AHCY: variants seen among roughly 807,000 people sequenced by gnomAD.
The protein encoded by AHCY is S-adenosyl-L-homocysteine hydrolase.
In AHCY, 24 loss-of-function variants were observed where a neutral mutation model predicts 45.4. The observed-to-expected ratio is 0.53, with a 90% CI of 0.38 to 0.74. AHCY has a LOEUF of 0.74. Among genes scored for constraint, AHCY ranks in the 30% least tolerant of loss-of-function variants. AHCY has a pLI of 0.00. For synonymous variants in AHCY, 245 were observed against 235.1 expected, an observed-to-expected ratio of 1.04 and a Z score of -0.39; for missense variants, 449 against 594.1, an observed-to-expected ratio of 0.76 and a Z score of 2.54.
the AHCY span, among the ~76,000 whole-genome samples, chr20:34,258,730 T>C: frequency 1.4e-5 from 1 of 73,572 alleles, no homozygotes; most frequent in Admixed American, 2.1e-4. Flanking sequence ...ATAAAATATA[T>C]ATAGTATATA....
chr20:34,243,378 C>G, the AHCY span, among the ~76,000 whole-genome samples: 3 of 152,212 alleles, frequency 2.0e-5, no homozygotes, highest in Non-Finnish European at 4.4e-5. Flanking sequence ...CTAGCCAATT[C>G]AGTCACAATA....
the AHCY span, among the ~76,000 whole-genome samples, chr20:34,239,437 G>A: frequency 2.0e-5 from 3 of 152,064 alleles, no homozygotes; most frequent in Admixed American, 6.6e-5. Context: ...GGCTCTTCTC[G>A]AACTCCTGAC....
chr20:34,268,413 T>C, the AHCY span, among the ~76,000 whole-genome samples: 3 of 152,094 alleles, frequency 2.0e-5, no homozygotes, highest in African/African-American at 7.2e-5. Flanking sequence ...TGTTTCATTT[T>C]AAGTTCAAAG....
chr20:34,237,102 A>G, the AHCY span, among the ~76,000 whole-genome samples: 1 of 152,026 alleles, frequency 6.6e-6, no homozygotes, highest in African/African-American at 2.4e-5. Flanking sequence ...ATTTGTCTTT[A>G]TGCAAGTACC....
chr20:34,266,409 A>G, the AHCY span, among the ~76,000 whole-genome samples: 1 of 152,086 alleles, frequency 6.6e-6, no homozygotes, highest in Non-Finnish European at 1.5e-5. Context: ...ACGGTGGCTC[A>G]TAACTGTAAT....
rs191104883 is a variant in AHCY at position 34,292,653 on chromosome 20, A to T, written c.296-146T>A. The T allele has an allele frequency of 2.8e-5, 33 of 1,194,676 alleles. No homozygotes were observed. In the African/African-American group the frequency reaches 4.1e-4, roughly 15 times the overall value. The allele number at this position is 1,194,676 out of a possible 1,614,324, so 74.0% of individuals were successfully genotyped here. On this transcript the variant is annotated intron_variant, in intron 3 of 9. Transcript: ENST00000217426. The stretch of plus-strand genomic sequence containing the variant: ...CTCTGAAAACTCAGCAGTGGTCAGG[A>T]CACAACTTGGAGCCAGATAGATCTG...
At chr20:34,252,763 T>G in the AHCY span, among the ~76,000 whole-genome samples, 2 of 151,966 alleles carry the variant, frequency 1.3e-5, no homozygotes, top group Non-Finnish European at 2.9e-5. Context: ...GCTGTCTCAG[T>G]GGGGGGAAAC....
intron 1 of AHCY, among the ~76,000 whole-genome samples, chr20:34,311,094 T>G (rs1182687932): frequency 6.6e-6 from 1 of 152,154 alleles, no homozygotes; most frequent in Non-Finnish European, 1.5e-5. Context: ...CACTCTAGCC[T>G]GGGCAACAGA....
chr20:34,269,366 G>A, the AHCY span: 2 of 678,782 alleles, frequency 2.9e-6, no homozygotes, highest in South Asian at 5.4e-5. Flanking sequence ...GGCTGTTTCT[G>A]TAAAGGTCCC....
At chr20:34,253,077 A>T in the AHCY span, among the ~76,000 whole-genome samples, 1 of 152,080 alleles carries the variant, frequency 6.6e-6, no homozygotes, top group East Asian at 1.9e-4. Flanking sequence ...TTTTCTACAT[A>T]GACACAGTAA....
intron 9 of AHCY, among the ~76,000 whole-genome samples, chr20:34,284,482 C>A (rs188995251): frequency 6.6e-6 from 1 of 152,234 alleles, no homozygotes; most frequent in East Asian, 1.9e-4. Context: ...CATCTTATTA[C>A]AAGGCCACAA....
At chr20:34,273,521 G>C in the AHCY span, among the ~76,000 whole-genome samples, 1 of 152,176 alleles carries the variant, frequency 6.6e-6, no homozygotes, top group South Asian at 2.1e-4. Context: ...GTGAGCCGCT[G>C]CAGCCAGCCC....
chr20:34,238,884 T>G, the AHCY span, among the ~76,000 whole-genome samples: 1 of 152,186 alleles, frequency 6.6e-6, no homozygotes, highest in Non-Finnish European at 1.5e-5. Flanking sequence ...CAAGGACACT[T>G]TGCCATCCAA....
chr20:34,236,615 C>G, the AHCY span, among the ~76,000 whole-genome samples: 1 of 152,034 alleles, frequency 6.6e-6, no homozygotes, highest in Non-Finnish European at 1.5e-5. Flanking sequence ...CTTTGGGAGT[C>G]TGGGGTGGGA....
intron 1 of AHCY, among the ~76,000 whole-genome samples, chr20:34,296,435 G>T (rs1011147485): frequency 6.6e-6 from 1 of 152,146 alleles, no homozygotes; most frequent in Non-Finnish European, 1.5e-5. Context: ...AATATTTCAG[G>T]TGTTGCCACC....
At chr20:34,238,235 G>GT in the AHCY span, among the ~76,000 whole-genome samples, 1 of 151,966 alleles carries the variant, frequency 6.6e-6, no homozygotes, top group African/African-American at 2.4e-5. Context: ...AATATTCTGG[G>GT]TTTTTTTCTC....
intron 1 of AHCY, among the ~76,000 whole-genome samples, chr20:34,298,610 G>A (rs565356824): frequency 5.1e-5 from 5 of 98,086 alleles, no homozygotes; most frequent in East Asian, 4.4e-4. Flanking sequence ...GGCGGCGGGA[G>A]GGGGGGGGGT....
intron 1 of AHCY, among the ~76,000 whole-genome samples, chr20:34,299,941 T>C (rs983216409): frequency 1.3e-5 from 2 of 152,164 alleles, no homozygotes; most frequent in African/African-American, 2.4e-5. Context: ...TCCCAGCACT[T>C]TGGGAGGCCA....
the AHCY span, chr20:34,268,923 C>G: frequency 6.5e-7 from 1 of 1,538,206 alleles, no homozygotes; most frequent in Non-Finnish European, 8.8e-7. Flanking sequence ...CGAGGAGCTC[C>G]CAGGCAGAGG....
Sources: allele counts gnomAD v4.1 joint callset (sites outside exome capture counted in the v4.1 genomes callset), GRCh38; gene constraint gnomAD v4.1.1; transcripts MANE v1.5; gene names NCBI Gene and HGNC (gene_info 2026-07-23, HGNC 2026-07-21).